SCRN3: variants seen among roughly 807,000 people sequenced by gnomAD.
SCRN3 encodes the protein secernin-3.
SCRN3 carries 39 observed loss-of-function variants against 43.1 expected under a neutral mutation model. The ratio of observed to expected loss-of-function variants is 0.91; its 90% confidence interval spans 0.70 to 1.18. SCRN3 has a LOEUF of 1.18. SCRN3 is among the 50% of genes most tolerant of loss of function. The pLI, the probability that SCRN3 is intolerant of heterozygous loss-of-function variation, is 0.00. For missense variants in SCRN3, 484 were observed against 498.0 expected (o/e 0.97, Z 0.27); for synonymous variants, 147 against 163.1 (o/e 0.90, Z 0.75).
rs750122711 is a variant in SCRN3, at chr2:174,398,255, A to G, written c.-9-20A>G. ...CTTAAAAGTGTTCTTTTTATTTTAA[A>G]ACATCTGTATAATTTTTAGTTAAAA... On this transcript the variant is annotated intron_variant, in intron 1 of 7. Coordinates refer to ENST00000272732, the MANE Select transcript of SCRN3 (RefSeq NM_024583.5). 2.7e-6 allele frequency: 4 copies of G among 1,473,410 alleles called. No individual in the cohort carries two copies. The highest frequency in any genetic ancestry group is 2.7e-6 in the Non-Finnish European group (3 of 1,093,574). The allele number at this position is 1,473,410 out of a possible 1,614,324, so 91.3% of individuals were successfully genotyped here. A position where few individuals can be genotyped will look rare whatever the true frequency, so the allele number is the denominator to read the frequency against.
chr2:174,421,430 G>A (rs997880773), intron 5 of SCRN3, among the ~76,000 whole-genome samples: 4 of 152,310 alleles, frequency 2.6e-5, no homozygotes, highest in African/African-American at 9.6e-5. Flanking sequence ...CACAGCTGCA[G>A]TGCTTAAAGT....
chr2:174,430,004 A>G (rs144134753), downstream of SCRN3, among the ~76,000 whole-genome samples: 51 of 152,340 alleles, frequency 3.3e-4, 1 homozygote, highest in African/African-American at 1.1e-3. Flanking sequence ...TGAATATACT[A>G]CTACTGAAGG....
chr2:174,427,757 A>G lies in SCRN3; in HGVS notation c.1137A>G (p.Lys379=). The change falls in exon 8 of 8, where the codon AAA becomes AAG. Residue 379 remains lysine, a synonymous_variant. Coordinates refer to ENST00000272732, the MANE Select transcript of SCRN3 (RefSeq NM_024583.5). ...IMLDNMRKLE[K]ELFREMESIL... ...TGGACAACATGAGGAAACTGGAGAAAGAACTATTCAGAGAGATGGAATCAA... is the reference window on the plus strand; with the variant it reads ...TGGACAACATGAGGAAACTGGAGAAGGAACTATTCAGAGAGATGGAATCAA... 1.2e-6 allele frequency: 2 copies of G among 1,608,306 alleles called. No individual in the cohort carries two copies. The highest frequency in any genetic ancestry group is 1.7e-6 in the Non-Finnish European group (2 of 1,177,432).
At chr2:174,423,645 A>AT (rs1686371699) in intron 6 of SCRN3, among the ~76,000 whole-genome samples, 1 of 151,644 alleles carries the variant, frequency 6.6e-6, no homozygotes. Flanking sequence ...AATTTTTTGT[A>AT]TTTTTAGTAG....
chr2:174,410,600 T>G (rs1335648500), intron 5 of SCRN3: 1 of 152,226 alleles, frequency 6.6e-6, no homozygotes, highest in African/African-American at 2.4e-5. Context: ...TTATTAATAT[T>G]CTTAAAACAA....
At chr2:174,405,976 T>G (rs1437980366) in intron 5 of SCRN3, among the ~76,000 whole-genome samples, 2 of 139,196 alleles carry the variant, frequency 1.4e-5, no homozygotes, top group Admixed American at 7.2e-5. Flanking sequence ...TTAAAGTAGT[T>G]TTTTCCAATT....
intron 7 of SCRN3, among the ~76,000 whole-genome samples, chr2:174,426,493 C>T (rs557694416): frequency 5.5e-4 from 83 of 152,196 alleles, no homozygotes; most frequent in South Asian, 1.2e-3. Context: ...GCTCACAGGC[C>T]GGGCGCGGTG....
chr2:174,416,306 G>A (rs1437041509), intron 5 of SCRN3, among the ~76,000 whole-genome samples: 4 of 152,194 alleles, frequency 2.6e-5, no homozygotes, highest in Non-Finnish European at 4.4e-5. Context: ...TACTTTGGTG[G>A]CAGAATGGAC....
chr2:174,402,821 A>AT lies in SCRN3; in HGVS notation c.542-1277dup, dbSNP rs200855989. Among the ~76,000 whole-genome samples the AT allele has an allele frequency of 9.7e-3, 1,479 of 152,226 alleles. 32 individuals are homozygous for AT. The highest frequency in any genetic ancestry group is 0.034 in the African/African-American group (1,403 of 41,540). ...TGACCTCATTAGAGTAATTTCATTG[A>AT]TTTTTACTTGACAGACTGTCATTTC... is the stretch of plus-strand genomic sequence containing the variant. On this transcript the variant is annotated intron_variant, in intron 4 of 7. Coordinates refer to ENST00000272732, the MANE Select transcript of SCRN3 (RefSeq NM_024583.5).
At chr2:174,417,030 T>A (rs753704141) in intron 5 of SCRN3, among the ~76,000 whole-genome samples, 10 of 152,348 alleles carry the variant, frequency 6.6e-5, no homozygotes, top group Non-Finnish European at 1.5e-4. Flanking sequence ...TTCTTAATGT[T>A]ATAGTTTAAT....
chr2:174,403,920 A>C (rs1197425138), intron 4 of SCRN3, among the ~76,000 whole-genome samples, 183 bp from the exon 5 acceptor site: 4 of 152,156 alleles, frequency 2.6e-5, no homozygotes, highest in Non-Finnish European at 5.9e-5. Flanking sequence ...AATTATCTTA[A>C]AATCAGTTTA....
intron 7 of SCRN3, among the ~76,000 whole-genome samples, chr2:174,426,671 C>G (rs1686494362): frequency 6.6e-6 from 1 of 151,900 alleles, no homozygotes; most frequent in South Asian, 2.1e-4. Flanking sequence ...ACTCGGGAGG[C>G]TGAGGCAGGG....
chr2:174,401,869 A>G (rs930440616), intron 4 of SCRN3, among the ~76,000 whole-genome samples: 1 of 152,174 alleles, frequency 6.6e-6, no homozygotes, highest in Admixed American at 6.5e-5. Flanking sequence ...CGGGTATTTA[A>G]CTTCTGGACT....
chr2:174,427,409 C>T (rs1175397674), intron 7 of SCRN3, among the ~76,000 whole-genome samples: 2 of 152,136 alleles, frequency 1.3e-5, no homozygotes, highest in Non-Finnish European at 2.9e-5. Flanking sequence ...CTTCCACATA[C>T]ACAGTTCATA....
intron 5 of SCRN3, among the ~76,000 whole-genome samples, chr2:174,418,107 A>C (rs1428800164): frequency 6.6e-6 from 1 of 152,228 alleles, no homozygotes; most frequent in Non-Finnish European, 1.5e-5. Context: ...AGAAATAATT[A>C]TAAGCCAATT....
In SCRN3 at chr2:174,398,433, A is replaced by C. The variant is rs773730207; in HGVS notation, c.150A>C (p.Glu50Asp). 1.9e-6 allele frequency: 3 copies of C among 1,598,998 alleles called. No individual in the cohort carries two copies. The Admixed American group carries it at 5.3e-5, about 28-fold the overall frequency. The change falls in exon 2 of 8, where the codon GAA (glutamate) becomes GAC (aspartate). Residue 50 changes from glutamate (E) to aspartate (D), a missense_variant. By Grantham distance (45) the Glu-to-Asp change is conservative (BLOSUM62 2). Transcript: ENST00000272732. ...FPAVVHDNLGERLKCTYIEID... is the reference protein window; with the variant it reads ...FPAVVHDNLGDRLKCTYIEID... ...CTGTAGTTCATGATAACCTGGGAGA[A>C]CGTCTTAAGGTAGGTGAAATAAATG...
At chr2:174,424,352 A>G in intron 6 of SCRN3, 123 bp from the exon 7 acceptor site, 1 of 707,604 alleles carries the variant, frequency 1.4e-6, no homozygotes, top group Non-Finnish European at 2.3e-6. Flanking sequence ...ATGTGACAGG[A>G]ACAAGTTAGT....
At chr2:174,424,793 T>C (rs1221831646) in intron 7 of SCRN3, 144 bp downstream of exon 7, 9 of 572,748 alleles carry the variant, frequency 1.6e-5, no homozygotes, top group Non-Finnish European at 2.4e-5. Flanking sequence ...ATAGTAGAGC[T>C]GTATTATTTT....
intron 7 of SCRN3, among the ~76,000 whole-genome samples, chr2:174,426,510 G>A (rs565298721): frequency 6.6e-5 from 10 of 152,210 alleles, no homozygotes; most frequent in African/African-American, 2.2e-4. Flanking sequence ...GGTGGCTCAC[G>A]CCTATAATCC....
Sources: allele counts gnomAD v4.1 joint callset (sites outside exome capture counted in the v4.1 genomes callset), GRCh38; gene constraint gnomAD v4.1.1; transcripts MANE v1.5; gene names NCBI Gene and HGNC (gene_info 2026-07-23, HGNC 2026-07-21).